The following POTEE variants were observed in gnomAD, a reference collection of about 807,000 sequenced individuals.
POTEE encodes ANKRD26-like family C member 1A.
POTEE carries 21 observed loss-of-function variants against 74.2 expected under a neutral mutation model. The observed-to-expected ratio is 0.28, with a 90% CI of 0.20 to 0.41. The LOEUF (loss-of-function observed/expected upper bound fraction) is 0.41, where lower values mean the gene tolerates loss of function less well. Ranked by LOEUF, POTEE falls within the 10% of genes least tolerant of loss-of-function variation. POTEE has a pLI of 1.00. For synonymous variants in POTEE, 211 were observed against 432.8 expected, an observed-to-expected ratio of 0.49 and a Z score of 6.36; for missense variants, 525 against 1,158.6, an observed-to-expected ratio of 0.45 and a Z score of 7.94.
At chr2:131,258,454 T>G (rs1475622830) in intron 16 of POTEE, among the ~76,000 whole-genome samples, 494 of 119,726 alleles carry the variant, frequency 4.1e-3, no homozygotes, top group Non-Finnish European at 6.0e-3. Context: ...TAATCTCCAG[T>G]AGGAGATTTT....
intron 9 of POTEE, among the ~76,000 whole-genome samples, chr2:131,233,485 G>A (rs898517573): frequency 7.2e-5 from 11 of 152,132 alleles, no homozygotes; most frequent in Admixed American, 5.9e-4. Context: ...GCAGTAGTCA[G>A]TTATAGTTTC....
At chr2:131,210,482 G>A (rs1700334678) in intron 1 of POTEE, among the ~76,000 whole-genome samples, 1 of 151,716 alleles carries the variant, frequency 6.6e-6, no homozygotes, top group Non-Finnish European at 1.5e-5. Flanking sequence ...TGCAGAGGTG[G>A]TGGGGACAGC....
chr2:131,225,671 G>A lies in POTEE; in HGVS notation c.811-1152G>A, dbSNP rs1439641470. ...AGCCTCGACCTCTCCAAGCTCAGATGGTCCTCCAACCTCAGTTTTTTTTTT... is the reference window on the plus strand; with the variant it reads ...AGCCTCGACCTCTCCAAGCTCAGATAGTCCTCCAACCTCAGTTTTTTTTTT... On this transcript the variant is annotated intron_variant, in intron 6 of 17. Coordinates refer to ENST00000683005, the MANE Select transcript of POTEE (RefSeq NM_001083538.3). 2.7e-5 allele frequency among the ~76,000 whole-genome samples: 4 copies of A among 147,982 alleles called. No homozygotes were observed. The South Asian group carries it at 8.6e-4, about 32-fold the overall frequency.
chr2:131,235,810 A>AG (rs1261823496), intron 9 of POTEE, among the ~76,000 whole-genome samples: 73 of 151,104 alleles, frequency 4.8e-4, no homozygotes, highest in Admixed American at 2.4e-3. Flanking sequence ...AAAAAAAAAA[A>AG]AAAGAAAGAA....
chr2:131,211,802 C>T (rs1307872187), intron 2 of POTEE, among the ~76,000 whole-genome samples: 2 of 151,144 alleles, frequency 1.3e-5, no homozygotes, highest in East Asian at 2.0e-4. Context: ...ATGATCCGCC[C>T]ACCTTGGCCT....
At chr2:131,258,669 G>C (rs1309036319) in intron 16 of POTEE, among the ~76,000 whole-genome samples, 2 of 141,604 alleles carry the variant, frequency 1.4e-5, no homozygotes. Context: ...GAAAATTTAC[G>C]AGATCATTTT....
chr2:131,218,032 C>G (rs1005661506), intron 3 of POTEE: 82 of 312,638 alleles, frequency 2.6e-4, no homozygotes, highest in African/African-American at 2.1e-3. Context: ...TTGACGTTTC[C>G]TGCTTGGATT....
At chr2:131,225,682 C>G (rs891549896) in intron 6 of POTEE, among the ~76,000 whole-genome samples, 1 of 147,054 alleles carries the variant, frequency 6.8e-6, no homozygotes, top group Admixed American at 6.7e-5. Flanking sequence ...GTCCTCCAAC[C>G]TCAGTTTTTT....
rs1209087744 is a variant in POTEE, at chr2:131,217,929, G to A, written c.-94+246G>A. 34 of 231,736 alleles carry A rather than the reference G, an allele frequency of 1.5e-4. No individual in the cohort carries two copies. The East Asian group carries it at 3.9e-3, about 27-fold the overall frequency. 14.4% of individuals were successfully genotyped at this position (231,736 alleles called of 1,614,324 possible). ...TTGGCTGGCCTGTAATGGCTTGCAC[G>A]CGCATGCTGCACGCGCTTTAACGGC... On this transcript the variant is annotated intron_variant, in intron 3 of 17. Transcript: ENST00000683005.
rs1344164703 is a variant in POTEE at position 131,217,844 on chromosome 2, G to A, written c.-94+161G>A. Among the ~76,000 whole-genome samples the A allele has an allele frequency of 1.2e-4, 18 of 150,522 alleles. No homozygotes were observed. The East Asian group carries it at 2.6e-3, about 21-fold the overall frequency. On this transcript the variant is annotated intron_variant, in intron 3 of 17. Coordinates refer to ENST00000683005, the MANE Select transcript of POTEE (RefSeq NM_001083538.3). The stretch of plus-strand genomic sequence containing the variant: ...CGGCTTGCACGCGCACGCCGCACGC[G>A]CATAACGGTTTGGCCGGCCTGTAAC...
chr2:131,235,310 T>C (rs1251564537), intron 9 of POTEE, among the ~76,000 whole-genome samples: 2 of 152,262 alleles, frequency 1.3e-5, no homozygotes, highest in South Asian at 4.1e-4. Context: ...AGTAAGATGA[T>C]GCTCAAGACT....
At chr2:131,211,786 G>A (rs1295944675) in intron 2 of POTEE, among the ~76,000 whole-genome samples, 1 of 151,394 alleles carries the variant, frequency 6.6e-6, no homozygotes, top group Non-Finnish European at 1.5e-5. Flanking sequence ...TAGATCACCT[G>A]ACCTCATGAT....
At chr2:131,243,533 A>C (rs1701291903) in intron 12 of POTEE, among the ~76,000 whole-genome samples, 1 of 152,064 alleles carries the variant, frequency 6.6e-6, no homozygotes, top group African/African-American at 2.4e-5. Context: ...TACTTATTAA[A>C]TAAGTGAATG....
intron 16 of POTEE, among the ~76,000 whole-genome samples, chr2:131,256,864 C>T (rs1291062499): frequency 8.3e-4 from 127 of 152,360 alleles, no homozygotes; most frequent in East Asian, 3.1e-3. Flanking sequence ...ATCATCAGGA[C>T]GCGTCAGGCT....
chr2:131,224,147 T>C (rs1210208990), intron 6 of POTEE, 104 bp downstream of exon 6: 5 of 1,456,440 alleles, frequency 3.4e-6, no homozygotes, highest in Non-Finnish European at 4.6e-6. Context: ...AAGCATAACC[T>C]GAATGAAAAT....
intron 6 of POTEE, 68 bp downstream of exon 6, chr2:131,224,111 G>A (rs1200163592): frequency 5.2e-6 from 7 of 1,336,066 alleles, no homozygotes; most frequent in Non-Finnish European, 7.1e-6. Flanking sequence ...CCTGTGTAAG[G>A]GCCAGTCTTC....
At chr2:131,228,572 G>C (rs1382078711) in intron 8 of POTEE, among the ~76,000 whole-genome samples, 191 bp downstream of exon 8, 3 of 147,658 alleles carry the variant, frequency 2.0e-5, no homozygotes, top group Admixed American at 6.6e-5. Context: ...CAATGGGTGC[G>C]GGATTCTTTA....
In POTEE at chr2:131,256,821, T is replaced by G. The variant is rs201670689; in HGVS notation, c.1778+3722T>G. 2.4e-3 allele frequency among the ~76,000 whole-genome samples: 356 copies of G among 151,376 alleles called. No individual in the cohort carries two copies. In the East Asian group the frequency reaches 0.024, roughly 10 times the overall value. ...TGAAGAAAATGAAAAAAAAGAGAGA[T>G]AATGAGGACTAACAGAAAGGAATTA... On this transcript the variant is annotated intron_variant, in intron 16 of 17. Transcript: ENST00000683005.
intron 16 of POTEE, among the ~76,000 whole-genome samples, chr2:131,260,822 G>T: frequency 1.3e-5 from 1 of 74,734 alleles, no homozygotes; most frequent in African/African-American, 4.7e-5. Context: ...TTGCCCAATT[G>T]CTCTGCCTAG....
Sources: gnomAD v4.1 joint callset for allele counts (sites outside exome capture counted in the v4.1 genomes callset) on GRCh38, gnomAD v4.1.1 for gene constraint, MANE v1.5 for transcripts, NCBI Gene and HGNC (gene_info 2026-07-23, HGNC 2026-07-21) for gene names.